Variants in ERC2 observed in about 807,000 individuals in gnomAD.
The protein encoded by ERC2 is ELKS/RAB6-interacting/CAST family member 2.
Under a neutral mutation model 114.8 loss-of-function variants are expected in ERC2, and 42 were observed. The ratio of observed to expected loss-of-function variants is 0.37; its 90% CI spans 0.29 to 0.47. The LOEUF is 0.47. Ranked by LOEUF, ERC2 falls within the 20% of genes least tolerant of loss-of-function variation. The pLI is 0.99. For synonymous variants in ERC2, 454 were observed against 425.5 expected (o/e 1.07, Z -0.82); for missense variants, 939 against 1,150.7 (o/e 0.82, Z 2.66).
intron 2 of ERC2, among the ~76,000 whole-genome samples, chr3:56,311,231 T>TTCTCTCTC (rs370683995): frequency 8.1e-4 from 78 of 96,258 alleles, no homozygotes; most frequent in Admixed American, 1.4e-3. Context: ...ATCCATCATC[T>TTCTCTCTC]TCTCTCTCTC....
chr3:56,000,893 TA>T (rs58057703), intron 10 of ERC2, among the ~76,000 whole-genome samples: 28,297 of 137,486 alleles, frequency 0.21, 3,007 homozygotes, highest in African/African-American at 0.31. Context: ...GTCTTAAGTT[TA>T]AAAAAAAAAA....
intron 2 of ERC2, among the ~76,000 whole-genome samples, chr3:56,304,290 TA>T (rs949699465): frequency 6.6e-6 from 1 of 152,138 alleles, no homozygotes; most frequent in Non-Finnish European, 1.5e-5. Flanking sequence ...AGGAAATATT[TA>T]AAAGGTGATA....
At chr3:56,355,770 C>A (rs1198956524) in intron 2 of ERC2, among the ~76,000 whole-genome samples, 1 of 152,130 alleles carries the variant, frequency 6.6e-6, no homozygotes, top group Non-Finnish European at 1.5e-5. Flanking sequence ...GTTCCTCTTT[C>A]CCTCTCAGAT....
At chr3:56,440,778 T>C (rs2062262865) in intron 1 of ERC2, among the ~76,000 whole-genome samples, 1 of 152,194 alleles carries the variant, frequency 6.6e-6, no homozygotes, top group African/African-American at 2.4e-5. Flanking sequence ...AAAGACTATA[T>C]ATAAGTCTTG....
chr3:55,840,472 T>G (rs971172928), intron 14 of ERC2, among the ~76,000 whole-genome samples: 13 of 151,842 alleles, frequency 8.6e-5, no homozygotes, highest in African/African-American at 2.9e-4. Context: ...TTAAAAGGAT[T>G]GACCATACCA....
At chr3:56,005,004 G>T (rs149011128) in intron 10 of ERC2, among the ~76,000 whole-genome samples, 3 of 151,644 alleles carry the variant, frequency 2.0e-5, no homozygotes, top group Non-Finnish European at 4.4e-5. Context: ...GGTTTTTACG[G>T]AACTATTTAT....
chr3:56,075,176 G>A (rs1319742860), intron 7 of ERC2, among the ~76,000 whole-genome samples: 1 of 152,068 alleles, frequency 6.6e-6, no homozygotes, highest in Non-Finnish European at 1.5e-5. Context: ...AAGCTCAAGT[G>A]TAAAGCTTGG....
At chr3:56,231,861 G>C (rs2050639642) in intron 3 of ERC2, among the ~76,000 whole-genome samples, 1 of 137,386 alleles carries the variant, frequency 7.3e-6, no homozygotes, top group Non-Finnish European at 1.7e-5. Flanking sequence ...AGATAAGAAA[G>C]GAAAATCATT....
chr3:56,204,531 A>T (rs894971563), intron 3 of ERC2, among the ~76,000 whole-genome samples: 1 of 116,086 alleles, frequency 8.6e-6, no homozygotes, highest in Admixed American at 8.8e-5. Context: ...TTGAGACGGA[A>T]TCTCACTCTG....
At chr3:56,097,326 C>A (rs2078114375) in intron 6 of ERC2, among the ~76,000 whole-genome samples, 1 of 152,126 alleles carries the variant, frequency 6.6e-6, no homozygotes, top group Non-Finnish European at 1.5e-5. Flanking sequence ...TTAGAGTCAA[C>A]CTACATATAC....
intron 14 of ERC2, among the ~76,000 whole-genome samples, chr3:55,770,839 C>T (rs1429175668): frequency 1.3e-5 from 2 of 151,834 alleles, no homozygotes; most frequent in Non-Finnish European, 2.9e-5. Flanking sequence ...TGTTCCCCTC[C>T]CTGTGTCCAT....
intron 7 of ERC2, among the ~76,000 whole-genome samples, chr3:56,021,393 C>G (rs1165235459): frequency 6.6e-6 from 1 of 151,842 alleles, no homozygotes; most frequent in East Asian, 1.9e-4. Context: ...TCAGGGTTAT[C>G]CAGCTGGTAA....
chr3:55,884,687 G>A (rs1258093894), intron 14 of ERC2, among the ~76,000 whole-genome samples: 2 of 152,062 alleles, frequency 1.3e-5, no homozygotes, highest in Non-Finnish European at 2.9e-5. Flanking sequence ...ACCAGGGCCT[G>A]GTGAATTCCT....
At chr3:55,569,433 C>T (rs2056574909) in intron 17 of ERC2, among the ~76,000 whole-genome samples, 1 of 152,166 alleles carries the variant, frequency 6.6e-6, no homozygotes, top group Non-Finnish European at 1.5e-5. Flanking sequence ...GAGGCATGCG[C>T]TGCTCTGCCA....
intron 3 of ERC2, among the ~76,000 whole-genome samples, chr3:56,236,074 A>T (rs1252853096): frequency 2.6e-5 from 4 of 152,250 alleles, no homozygotes; most frequent in Non-Finnish European, 4.4e-5. Context: ...GTTGATTGAC[A>T]GTAGTTGGGG....
chr3:56,167,667 GA>G (rs916239487), intron 4 of ERC2, among the ~76,000 whole-genome samples: 9 of 151,664 alleles, frequency 5.9e-5, no homozygotes, highest in African/African-American at 1.5e-4. Flanking sequence ...AATTTCCCAA[GA>G]AAAAAAAGTA....
At chr3:56,103,825 G>A (rs1575433200) in intron 6 of ERC2, among the ~76,000 whole-genome samples, 1 of 152,108 alleles carries the variant, frequency 6.6e-6, no homozygotes, top group South Asian at 2.1e-4. Flanking sequence ...GAGGAGAGAA[G>A]GGGAGAGATT....
At chr3:55,658,614 G>A (rs764751166) in intron 17 of ERC2, 5 of 152,654 alleles carry the variant, frequency 3.3e-5, no homozygotes, top group African/African-American at 7.2e-5. Flanking sequence ...GCAGACCAAA[G>A]CAATGGATGG....
At chr3:55,819,954 C>A (rs2149150681) in intron 14 of ERC2, among the ~76,000 whole-genome samples, 1 of 152,278 alleles carries the variant, frequency 6.6e-6, no homozygotes, top group Middle Eastern at 3.4e-3. Context: ...AGGGGGGTTC[C>A]CAATTAGCCT....
Sources: gnomAD v4.1 joint callset for allele counts (sites outside exome capture counted in the v4.1 genomes callset) on GRCh38, gnomAD v4.1.1 for gene constraint, MANE v1.5 for transcripts, NCBI Gene and HGNC (gene_info 2026-07-23, HGNC 2026-07-21) for gene names.